Variants in ADD3 observed in about 807,000 individuals in gnomAD.
ADD3 encodes the protein adducin 3.
Under a neutral mutation model 80.2 loss-of-function variants are expected in ADD3, and 25 were observed. That is an observed-to-expected ratio of 0.31 (90% CI 0.23 to 0.44). The LOEUF (loss-of-function observed/expected upper bound fraction) is 0.44. Among genes scored for constraint, ADD3 ranks in the 20% least tolerant of loss-of-function variants. The pLI, the probability that ADD3 is intolerant of heterozygous loss-of-function variation, is 1.00. For synonymous variants in ADD3, 284 were observed against 289.6 expected (o/e 0.98, Z 0.20); for missense variants, 829 against 847.5 (o/e 0.98, Z 0.27).
chr10:110,127,120 A>T (rs574719700), intron 12 of ADD3, among the ~76,000 whole-genome samples: 2 of 152,244 alleles, frequency 1.3e-5, no homozygotes, highest in East Asian at 3.9e-4. Flanking sequence ...CCCAGTAAGG[A>T]TACATCACAG....
chr10:110,117,970 C>T (rs1486597109), intron 5 of ADD3, among the ~76,000 whole-genome samples: 2 of 150,046 alleles, frequency 1.3e-5, no homozygotes, highest in Non-Finnish European at 3.0e-5. Context: ...GAGCCAAGAT[C>T]GCACCATTGC....
intron 1 of ADD3, among the ~76,000 whole-genome samples, chr10:110,026,272 C>A (rs1854287831): frequency 6.8e-6 from 1 of 147,366 alleles, no homozygotes; most frequent in Admixed American, 6.7e-5. Flanking sequence ...CTTATGACCC[C>A]AGTTTTCTTG....
upstream of ADD3, chr10:110,006,226 G>C (rs1851622875): frequency 6.5e-6 from 1 of 152,884 alleles, no homozygotes; most frequent in South Asian, 2.0e-4. Flanking sequence ...CTGTTCATCA[G>C]ACATGCTTAA....
At chr10:110,114,570 C>T (rs1433338048) in intron 3 of ADD3, among the ~76,000 whole-genome samples, 2 of 152,030 alleles carry the variant, frequency 1.3e-5, no homozygotes, top group Non-Finnish European at 2.9e-5. Flanking sequence ...AGAAAACAGT[C>T]ATGAAATGTG....
intron 1 of ADD3, among the ~76,000 whole-genome samples, chr10:110,022,086 G>A (rs1260315730): frequency 6.6e-6 from 1 of 152,136 alleles, no homozygotes; most frequent in Non-Finnish European, 1.5e-5. Flanking sequence ...TCTTGTCCAG[G>A]TAGAAATCAG....
intron 12 of ADD3, among the ~76,000 whole-genome samples, chr10:110,129,846 T>C (rs530477133): frequency 6.0e-4 from 91 of 152,170 alleles, no homozygotes; most frequent in Non-Finnish European, 1.0e-3. Flanking sequence ...TCCTTTACTA[T>C]CATTTTAGTG....
At chr10:110,096,704 A>G (rs1426591732) in intron 1 of ADD3, among the ~76,000 whole-genome samples, 2 of 152,154 alleles carry the variant, frequency 1.3e-5, no homozygotes, top group African/African-American at 4.8e-5. Flanking sequence ...CAAAGTGTAT[A>G]ATGTCACTTC....
intron 1 of ADD3, among the ~76,000 whole-genome samples, chr10:110,076,672 G>A (rs1845407757): frequency 6.6e-6 from 1 of 152,190 alleles, no homozygotes; most frequent in African/African-American, 2.4e-5. Context: ...ATATGTAAAA[G>A]CTGCTGTTGC....
intron 12 of ADD3, among the ~76,000 whole-genome samples, chr10:110,128,049 A>ATTTTTTTTTTT (rs71486096): frequency 1.9e-5 from 2 of 106,012 alleles, no homozygotes; most frequent in South Asian, 3.1e-4. Context: ...TTTGTTTAGG[A>ATTTTTTTTTTT]TTTTTTTTTT....
At position 110,023,714 on chromosome 10, in the gene ADD3, T is replaced by G. The variant is rs538480966; in HGVS notation, c.-30+15415T>G. 1.0e-3 allele frequency among the ~76,000 whole-genome samples: 156 copies of G among 152,356 alleles called. 2 individuals are homozygous for G. The highest frequency in any genetic ancestry group is 3.4e-3 in the Middle Eastern group (1 of 294). ...TTAGAAACTTGACTAGTTCTTAATCTGCTTTACTGCTCAAGTGTTACCCAA... is the reference window on the plus strand; with the variant it reads ...TTAGAAACTTGACTAGTTCTTAATCGGCTTTACTGCTCAAGTGTTACCCAA... On this transcript the variant is annotated intron_variant, in intron 1 of 14. Coordinates refer to ENST00000356080, the MANE Select transcript of ADD3 (RefSeq NM_016824.5).
intron 1 of ADD3, among the ~76,000 whole-genome samples, chr10:110,089,971 T>C (rs1847269472): frequency 6.6e-6 from 1 of 152,118 alleles, no homozygotes; most frequent in South Asian, 2.1e-4. Context: ...GTGAATGTTA[T>C]TTTCACCTCT....
At chr10:110,002,630 T>A (rs1194797730), upstream of ADD3, among the ~76,000 whole-genome samples, 1 of 152,122 alleles carries the variant, frequency 6.6e-6, no homozygotes, top group South Asian at 2.1e-4. Flanking sequence ...TACATATGAG[T>A]GGGCCTCCCA....
chr10:110,117,107 C>G (rs1352048689), intron 4 of ADD3, among the ~76,000 whole-genome samples: 2 of 152,046 alleles, frequency 1.3e-5, no homozygotes, highest in African/African-American at 4.8e-5. Flanking sequence ...CCTTAGAGCC[C>G]CAAAATAACA....
rs1851841960 is a variant in ADD3, at chr10:110,124,060, A to G, written c.1187A>G (p.Glu396Gly). The stretch of plus-strand genomic sequence containing the variant: ...GCTTACAGGCATCCTCTCATTCGAG[A>G]GAAGCCTAGGCACAAGAGTGATGTG... ...GYAYRHPLIR[E>G]KPRHKSDVEI... Residue 396 changes from glutamate (E) to glycine (G), a missense_variant, in exon 10 of 15, where the codon GAG (glutamate) becomes GGG (glycine). Physicochemically the swap from Glu to Gly is moderately conservative, Grantham distance 98 (BLOSUM62 -2). Coordinates refer to ENST00000356080, the MANE Select transcript of ADD3 (RefSeq NM_016824.5). The G allele has an allele frequency of 3.1e-6, 5 of 1,614,152 alleles. No homozygotes were observed. Among genetic ancestry groups the G allele is most frequent in the Non-Finnish European group, 4.2e-6 (5 of 1,179,990 alleles).
At chr10:110,051,568 A>G (rs2133396176) in intron 1 of ADD3, among the ~76,000 whole-genome samples, 1 of 152,348 alleles carries the variant, frequency 6.6e-6, no homozygotes, top group African/African-American at 2.4e-5. Flanking sequence ...CTGTGCAACC[A>G]TTTAAAAATA....
chr10:110,090,459 AGT>A (rs756154612), intron 1 of ADD3, among the ~76,000 whole-genome samples: 5 of 152,064 alleles, frequency 3.3e-5, no homozygotes, highest in Non-Finnish European at 5.9e-5. Context: ...AAGCTCAGGC[AGT>A]CCGCCTACCT....
chr10:110,055,004 G>C (rs1287919960), intron 1 of ADD3, among the ~76,000 whole-genome samples: 1 of 152,040 alleles, frequency 6.6e-6, no homozygotes, highest in African/African-American at 2.4e-5. Context: ...CTCGTGATCC[G>C]CCTTCCTCTG....
At chr10:110,011,227 A>G (rs1160786640) in intron 1 of ADD3, among the ~76,000 whole-genome samples, 1 of 152,174 alleles carries the variant, frequency 6.6e-6, no homozygotes, top group Non-Finnish European at 1.5e-5. Context: ...TCAACCTGAG[A>G]TAAATTTTAA....
chr10:110,092,427 G>C (rs1222300281), intron 1 of ADD3, among the ~76,000 whole-genome samples: 2 of 152,090 alleles, frequency 1.3e-5, no homozygotes, highest in East Asian at 3.9e-4. Flanking sequence ...CAGCAACATG[G>C]ATGCAGCTGG....
Sources: allele counts gnomAD v4.1 joint callset (sites outside exome capture counted in the v4.1 genomes callset), GRCh38; gene constraint gnomAD v4.1.1; transcripts MANE v1.5; gene names NCBI Gene and HGNC (gene_info 2026-07-23, HGNC 2026-07-21).